Variants in AKR1C3 observed in about 807,000 individuals in gnomAD.
AKR1C3 encodes 3-alpha hydroxysteroid dehydrogenase, type II.
A neutral mutation model predicts 43.6 loss-of-function variants in AKR1C3; 48 were observed. The observed-to-expected ratio is 1.10, with a 90% confidence interval of 0.87 to 1.40. The LOEUF is 1.40. Among genes scored for constraint, AKR1C3 ranks in the 40% most tolerant of loss-of-function variants. AKR1C3 has a pLI of 0.00. For missense variants in AKR1C3, 482 were observed against 391.2 expected (o/e 1.23, Z -1.96); for synonymous variants, 162 against 139.6 (o/e 1.16, Z -1.13).
chr10:5,101,750 A>G (rs1387161582), intron 5 of AKR1C3, among the ~76,000 whole-genome samples: 2 of 152,192 alleles, frequency 1.3e-5, no homozygotes, highest in African/African-American at 4.8e-5. Flanking sequence ...TGCACTCACG[A>G]GTCCTTGACC....
At chr10:5,071,479 A>C (rs1213988156) in intron 1 of AKR1C3, among the ~76,000 whole-genome samples, 2 of 152,164 alleles carry the variant, frequency 1.3e-5, no homozygotes, top group Non-Finnish European at 2.9e-5. Context: ...ACTCACGGTG[A>C]CTAAGGCACA....
rs960316891 is a variant in AKR1C3 at position 5,097,506 on chromosome 10, G to T, written c.325G>T (p.Asp109Tyr). The change falls in exon 3 of 9, where the codon GAC becomes TAC. Residue 109 changes from aspartate (D) to tyrosine (Y), a missense_variant. Asp to Tyr is a radical substitution (Grantham distance 160). Transcript: ENST00000380554. ...LENSLKKAQL[D>Y]YVDLYLIHSP... ...AAACTCACTGAAGAAAGCTCAATTG[G>T]ACTATGTTGACCTCTATCTTATTCA... 3 of 1,613,768 alleles carry T rather than the reference G, an allele frequency of 1.9e-6. No homozygotes were observed. Among genetic ancestry groups the T allele is most frequent in the Non-Finnish European group, 2.5e-6 (3 of 1,179,728 alleles).
At chr10:5,099,810 T>C in intron 5 of AKR1C3, 1 of 232,892 alleles carries the variant, frequency 4.3e-6, no homozygotes, top group Non-Finnish European at 8.5e-6. Flanking sequence ...GGTGTATAGA[T>C]ATGAAGCTAG....
intron 1 of AKR1C3, among the ~76,000 whole-genome samples, chr10:5,065,516 G>C (rs1228602302): frequency 2.0e-5 from 3 of 152,066 alleles, no homozygotes; most frequent in African/African-American, 7.2e-5. Flanking sequence ...CTTGAACAAA[G>C]AATTGGACAA....
chr10:5,053,611 G>A (rs1346208599), intron 1 of AKR1C3, among the ~76,000 whole-genome samples: 1 of 152,254 alleles, frequency 6.6e-6, no homozygotes, highest in African/African-American at 2.4e-5. Context: ...AGGCCAAGGA[G>A]GCAACAAGAA....
intron 1 of AKR1C3, among the ~76,000 whole-genome samples, chr10:5,081,494 A>T (rs1219501264): frequency 6.6e-6 from 1 of 152,254 alleles, no homozygotes; most frequent in Non-Finnish European, 1.5e-5. Flanking sequence ...TCTGAAAAAC[A>T]ATCATTGTAT....
intron 1 of AKR1C3, among the ~76,000 whole-genome samples, chr10:5,089,405 A>T (rs1337752007): frequency 1.3e-5 from 2 of 152,120 alleles, no homozygotes; most frequent in East Asian, 3.8e-4. Flanking sequence ...ATGGCTTTAT[A>T]TAATCCCATA....
At chr10:5,099,055 G>A (rs1170035213) in intron 4 of AKR1C3, among the ~76,000 whole-genome samples, 176 bp downstream of exon 4, 1 of 152,164 alleles carries the variant, frequency 6.6e-6, no homozygotes, top group Non-Finnish European at 1.5e-5. Context: ...AGAGAGTGGG[G>A]CACAAGACTT....
chr10:5,075,277 C>G (rs1838690243), intron 1 of AKR1C3, among the ~76,000 whole-genome samples: 1 of 152,032 alleles, frequency 6.6e-6, no homozygotes, highest in South Asian at 2.1e-4. Context: ...GTTTGTGTGC[C>G]TTTTCTCTTT....
upstream of AKR1C3, among the ~76,000 whole-genome samples, chr10:5,092,460 G>A (rs545134008): frequency 6.8e-6 from 1 of 147,122 alleles, no homozygotes; most frequent in African/African-American, 2.5e-5. Flanking sequence ...AAGCCCTTTA[G>A]GGTCTGTTCA....
intron 7 of AKR1C3, chr10:5,105,283 GACCCTATCAT>G (rs1839470901): frequency 1.4e-4 from 1 of 7,226 alleles, no homozygotes; most frequent in East Asian, 7.6e-3. Flanking sequence ...CTAGGTACAT[GACCCTATCAT>G]GTGGGCACAA....
At chr10:5,100,884 T>TGGC (rs575699148) in intron 5 of AKR1C3, among the ~76,000 whole-genome samples, 196 of 152,342 alleles carry the variant, frequency 1.3e-3, no homozygotes, top group African/African-American at 4.5e-3. Flanking sequence ...GCCAAATATT[T>TGGC]ATGGCAAATG....
At chr10:5,089,523 G>A (rs2131828463), upstream of AKR1C3, among the ~76,000 whole-genome samples, 1 of 152,098 alleles carries the variant, frequency 6.6e-6, no homozygotes, top group Middle Eastern at 3.4e-3. Flanking sequence ...TCTTCTGCTG[G>A]TTTAGTCTAC....
intron 1 of AKR1C3, among the ~76,000 whole-genome samples, chr10:5,086,924 G>T (rs1395657868): frequency 1.3e-5 from 2 of 151,934 alleles, no homozygotes; most frequent in Non-Finnish European, 2.9e-5. Context: ...TTTTCCATTT[G>T]CTTGATAGAT....
chr10:5,059,689 A>C (rs2131782955), intron 1 of AKR1C3, among the ~76,000 whole-genome samples: 1 of 152,242 alleles, frequency 6.6e-6, no homozygotes, highest in Non-Finnish European at 1.5e-5. Flanking sequence ...TCTAAGGAAA[A>C]GTAGGACAGA....
intron 1 of AKR1C3, among the ~76,000 whole-genome samples, chr10:5,072,119 G>A (rs1554781381): frequency 6.6e-6 from 1 of 152,176 alleles, no homozygotes; most frequent in Admixed American, 6.5e-5. Context: ...ACCAGCCTAT[G>A]TGACACTTAT....
At chr10:5,060,318 G>C (rs1588332980) in intron 1 of AKR1C3, among the ~76,000 whole-genome samples, 1 of 152,200 alleles carries the variant, frequency 6.6e-6, no homozygotes, top group South Asian at 2.1e-4. Flanking sequence ...CCTGCTGATT[G>C]TTCCATTTTA....
chr10:5,087,208 T>G (rs1020814355), intron 1 of AKR1C3, among the ~76,000 whole-genome samples: 3 of 152,094 alleles, frequency 2.0e-5, no homozygotes, highest in African/African-American at 4.8e-5. Flanking sequence ...GCTGGTACCG[T>G]TTGTTCCTTT....
chr10:5,102,116 T>C lies in AKR1C3; in HGVS notation c.586T>C (p.Tyr196His). The C allele has an allele frequency of 6.2e-7, 1 of 1,612,614 alleles. No individual in the cohort carries two copies. The highest frequency in any genetic ancestry group is 8.5e-7 in the Non-Finnish European group (1 of 1,178,670). ...PVCNQVECHP[Y>H]FNRSKLLDFC... ...TCAACTGCAGGTAGAATGTCATCCGTATTTCAACCGGAGTAAATTGCTAGA... is the reference window on the plus strand; with the variant it reads ...TCAACTGCAGGTAGAATGTCATCCGCATTTCAACCGGAGTAAATTGCTAGA... The change falls in exon 6 of 9, where the codon TAT (tyrosine) becomes CAT (histidine). Residue 196 changes from tyrosine to histidine, a missense_variant. Physicochemically the swap from Tyr to His is moderately conservative, Grantham distance 83. Transcript: ENST00000380554.
Sources: allele counts gnomAD v4.1 joint callset (sites outside exome capture counted in the v4.1 genomes callset), GRCh38; gene constraint gnomAD v4.1.1; transcripts MANE v1.5; gene names NCBI Gene and HGNC (gene_info 2026-07-23, HGNC 2026-07-21).